PILRA: variants seen among roughly 807,000 people sequenced by gnomAD.
PILRA encodes the protein paired immunoglobin like type 2 receptor alpha, also known as paired immunoglobulin-like type 2 receptor alpha.
In PILRA, 37 loss-of-function variants were observed where a neutral mutation model predicts 33.1. The observed-to-expected ratio is 1.12, with a 90% confidence interval of 0.86 to 1.47. The LOEUF (loss-of-function observed/expected upper bound fraction) is 1.47, where lower values mean the gene tolerates loss of function less well. PILRA is among the 40% of genes most tolerant of loss of function. PILRA has a pLI of 0.00. For missense variants in PILRA, 312 were observed against 376.2 expected, an observed-to-expected ratio of 0.83 and a Z score of 1.41; for synonymous variants, 146 against 149.9, an observed-to-expected ratio of 0.97 and a Z score of 0.19.
intron 2 of PILRA, among the ~76,000 whole-genome samples, chr7:100,384,627 T>A (rs1350527825): frequency 6.6e-6 from 1 of 151,838 alleles, no homozygotes; most frequent in Non-Finnish European, 1.5e-5. Flanking sequence ...CAAAAAAATT[T>A]TTTTTTAAAA....
chr7:100,375,341 C>T (rs527847126), intron 2 of PILRA, among the ~76,000 whole-genome samples: 14 of 152,336 alleles, frequency 9.2e-5, no homozygotes, highest in Admixed American at 8.5e-4. Flanking sequence ...ACAAGAGGAA[C>T]TGCTATTCTC....
At chr7:100,375,757 A>C (rs1448391461) in intron 2 of PILRA, among the ~76,000 whole-genome samples, 2 of 151,726 alleles carry the variant, frequency 1.3e-5, no homozygotes, top group Non-Finnish European at 2.9e-5. Flanking sequence ...CAAACAAACA[A>C]ACACAATGAA....
chr7:100,399,927 A>G lies in PILRA; in HGVS notation c.*20A>G. ...GCCTAACCAATGGACAGCCCTCTCAAGACTGAATGGTGAGGCCAGGTACAG... is the reference window on the plus strand; with the variant it reads ...GCCTAACCAATGGACAGCCCTCTCAGGACTGAATGGTGAGGCCAGGTACAG... On this transcript the variant is annotated 3_prime_UTR_variant, in exon 7 of 7. Coordinates refer to ENST00000198536, the MANE Select transcript of PILRA (RefSeq NM_013439.3). 1 of 1,579,118 alleles carries G rather than the reference A, an allele frequency of 6.3e-7. No homozygotes were observed. The highest frequency in any genetic ancestry group is 8.6e-7 in the Non-Finnish European group (1 of 1,162,610).
At chr7:100,376,628 C>T (rs992286994) in intron 2 of PILRA, among the ~76,000 whole-genome samples, 1 of 151,152 alleles carries the variant, frequency 6.6e-6, no homozygotes, top group African/African-American at 2.4e-5. Flanking sequence ...TTACAGGCAC[C>T]CACCATCATG....
In PILRA at chr7:100,390,044, T is replaced by C. The variant is rs1584224274; in HGVS notation, c.611T>C (p.Val204Ala). ...LETAVGVAVA[V>A]TVLGIMILGL... ...ACTGCTGTGGGGGTGGCAGTGGCTG[T>C]CACTGTGCTCGGAATCATGATTTTG... Residue 204 changes from valine to alanine, a missense_variant, in exon 3 of 7, where the codon GTC becomes GCC. By Grantham distance (64) the Val-to-Ala change is moderately conservative. Coordinates refer to ENST00000198536, the MANE Select transcript of PILRA (RefSeq NM_013439.3). The C allele has an allele frequency of 1.9e-6, 3 of 1,613,898 alleles. No individual in the cohort carries two copies. Among genetic ancestry groups the C allele is most frequent in the Middle Eastern group, 1.6e-4 (1 of 6,062 alleles).
At chr7:100,389,434 CT>C (rs978667262) in intron 2 of PILRA, among the ~76,000 whole-genome samples, 2 of 152,104 alleles carry the variant, frequency 1.3e-5, no homozygotes, top group Non-Finnish European at 2.9e-5. Flanking sequence ...CAACAATAGA[CT>C]TTTTTTGATC....
chr7:100,377,067 A>T (rs1214174932), intron 2 of PILRA, among the ~76,000 whole-genome samples: 1 of 151,606 alleles, frequency 6.6e-6, no homozygotes, highest in Non-Finnish European at 1.5e-5. Context: ...CTGGCAAAAA[A>T]ATTTTTTAAT....
At chr7:100,373,209 G>T (rs1244944674), upstream of PILRA, among the ~76,000 whole-genome samples, 3 of 152,168 alleles carry the variant, frequency 2.0e-5, no homozygotes, top group African/African-American at 7.2e-5. Flanking sequence ...GAAGGACAGA[G>T]ATTCAGGCCT....
At chr7:100,385,851 A>G (rs1791240878) in intron 2 of PILRA, among the ~76,000 whole-genome samples, 1 of 149,262 alleles carries the variant, frequency 6.7e-6, no homozygotes, top group Non-Finnish European at 1.5e-5. Flanking sequence ...CTGGTCTCAG[A>G]CTCCTGACCT....
chr7:100,377,699 T>G (rs1790987062), intron 2 of PILRA, among the ~76,000 whole-genome samples: 1 of 152,092 alleles, frequency 6.6e-6, no homozygotes, highest in Admixed American at 6.6e-5. Flanking sequence ...TGAGCCAAGA[T>G]CGCATCACTG....
At chr7:100,393,879 G>C (rs1406114973) in intron 3 of PILRA, among the ~76,000 whole-genome samples, 2 of 152,048 alleles carry the variant, frequency 1.3e-5, no homozygotes, top group African/African-American at 4.8e-5. Context: ...CTTTCTGAAA[G>C]ACCTAACAAC....
At chr7:100,387,433 C>T (rs1002100161) in intron 2 of PILRA, among the ~76,000 whole-genome samples, 1 of 152,204 alleles carries the variant, frequency 6.6e-6, no homozygotes, top group African/African-American at 2.4e-5. Context: ...AGGCTGCTCT[C>T]AAACTCCTGA....
intron 3 of PILRA, among the ~76,000 whole-genome samples, chr7:100,391,048 C>T (rs550219551): frequency 6.6e-6 from 1 of 151,988 alleles, no homozygotes; most frequent in East Asian, 1.9e-4. Context: ...GTTGAGGTGG[C>T]TCACGCCTGT....
chr7:100,389,773 A>C (rs560309528), intron 2 of PILRA, 115 bp from the exon 3 acceptor site: 4 of 809,796 alleles, frequency 4.9e-6, no homozygotes, highest in East Asian at 2.5e-5. Context: ...TGGGCTTCAG[A>C]GAGGAGCTCC....
rs1462825639 is a variant in PILRA at position 100,374,254 on chromosome 7, A to T, written c.275A>T (p.Asp92Val). The T allele has an allele frequency of 6.2e-7, 1 of 1,614,090 alleles. No individual in the cohort carries two copies. The highest frequency in any genetic ancestry group is 1.7e-5 in the Admixed American group (1 of 60,022). The change falls in exon 2 of 7, where the codon GAT (aspartate) becomes GTT (valine). Residue 92 changes from aspartate to valine, a missense_variant. By Grantham distance (152) the Asp-to-Val change is radical. Coordinates refer to ENST00000198536, the MANE Select transcript of PILRA (RefSeq NM_013439.3). ...ACAAGGCCGCCTTCCATTCACAAGG[A>T]TTATGTGAACCGGCTCTTTCTGAAC... ...YSTRPPSIHK[D>V]YVNRLFLNWT...
chr7:100,388,213 C>T (rs959688301), intron 2 of PILRA, among the ~76,000 whole-genome samples: 1 of 152,132 alleles, frequency 6.6e-6, no homozygotes, highest in African/African-American at 2.4e-5. Flanking sequence ...ATTACTTTCT[C>T]TTAAGAGTGG....
chr7:100,399,600 G>C lies in PILRA; in HGVS notation c.777G>C (p.Lys259Asn). ...IRNEGQNTDP[K>N]LNPKDDGIVY... ...TCTTAGGACAAAATACAGATCCCAA[G>C]CTAAATCCCAAGGTAAGCAATCAGA... Residue 259 changes from lysine (K) to asparagine (N), a missense_variant, in exon 6 of 7, where the codon AAG (lysine) becomes AAC (asparagine). Lys to Asn is a moderately conservative substitution (Grantham distance 94). Transcript: ENST00000198536. 1.2e-6 allele frequency: 2 copies of C among 1,614,124 alleles called. No homozygotes were observed. Among genetic ancestry groups the C allele is most frequent in the East Asian group, 2.2e-5 (1 of 44,882 alleles).
intron 2 of PILRA, among the ~76,000 whole-genome samples, chr7:100,378,703 G>GA (rs201945117): frequency 1.4e-4 from 21 of 149,252 alleles, no homozygotes; most frequent in Non-Finnish European, 2.4e-4. Context: ...CCTGTCTCAG[G>GA]AAAAAAAAGA....
In PILRA at chr7:100,374,412, A is replaced by T. The variant is rs200088454; in HGVS notation, c.433A>T (p.Thr145Ser). ...GRQQWQSIEG[T>S]KLSITQAVTT... ...GCAGCAGTGGCAGTCCATCGAGGGG[A>T]CCAAACTCTCCATCACCCAGGGTGA... is the stretch of plus-strand genomic sequence containing the variant. The change falls in exon 2 of 7, where the codon ACC becomes TCC. Residue 145 changes from threonine to serine, a missense_variant. Coordinates refer to ENST00000198536, the MANE Select transcript of PILRA (RefSeq NM_013439.3). 6.2e-7 allele frequency: 1 copy of T among 1,613,934 alleles called. No individual in the cohort carries two copies. The highest frequency in any genetic ancestry group is 1.7e-5 in the Admixed American group (1 of 60,004).
Sources: gnomAD v4.1 joint callset for allele counts (sites outside exome capture counted in the v4.1 genomes callset) on GRCh38, gnomAD v4.1.1 for gene constraint, MANE v1.5 for transcripts, NCBI Gene and HGNC (gene_info 2026-07-23, HGNC 2026-07-21) for gene names.